The following SRBD1 variants were observed in gnomAD, a reference collection of about 807,000 sequenced individuals.
SRBD1 encodes the protein S1 RNA-binding domain-containing protein 1.
In SRBD1, 88 loss-of-function variants were observed where a neutral mutation model predicts 115.3. The ratio of observed to expected loss-of-function variants is 0.76; its 90% CI spans 0.64 to 0.91. The LOEUF (loss-of-function observed/expected upper bound fraction) is 0.91. SRBD1 is among the 40% of genes least tolerant of loss of function. The probability of loss-of-function intolerance (pLI) is 0.00; values close to 1 mark genes in which losing one functional copy is unlikely to be tolerated. For missense variants in SRBD1, 1,385 were observed against 1,177.4 expected, an observed-to-expected ratio of 1.18 and a Z score of -2.58; for synonymous variants, 509 against 407.7, an observed-to-expected ratio of 1.25 and a Z score of -2.99.
chr2:45,397,372 A>G (rs1321296339), intron 19 of SRBD1, among the ~76,000 whole-genome samples: 2 of 152,182 alleles, frequency 1.3e-5, no homozygotes, highest in African/African-American at 2.4e-5. Flanking sequence ...CTATTTTCAA[A>G]TTTACTGCTC....
intron 9 of SRBD1, among the ~76,000 whole-genome samples, chr2:45,564,775 G>C (rs1243539541): frequency 6.6e-6 from 1 of 152,044 alleles, no homozygotes; most frequent in Non-Finnish European, 1.5e-5. Flanking sequence ...CAACCAAACA[G>C]GGATTGAAAA....
intron 15 of SRBD1, among the ~76,000 whole-genome samples, chr2:45,487,371 C>T (rs1670152851): frequency 6.6e-6 from 1 of 152,122 alleles, no homozygotes; most frequent in Non-Finnish European, 1.5e-5. Context: ...TCTTTACACA[C>T]AAGATTTTGA....
At chr2:45,400,105 C>A (rs1242409658) in intron 19 of SRBD1, among the ~76,000 whole-genome samples, 1 of 152,158 alleles carries the variant, frequency 6.6e-6, no homozygotes, top group Non-Finnish European at 1.5e-5. Flanking sequence ...TGCTTAACAT[C>A]TGCCATTTCA....
At chr2:45,520,668 G>A (rs1442606117) in intron 14 of SRBD1, among the ~76,000 whole-genome samples, 1 of 146,378 alleles carries the variant, frequency 6.8e-6, no homozygotes, top group Non-Finnish European at 1.5e-5. Flanking sequence ...TGGCAGAATG[G>A]CGCAGCAGAG....
Position 45,419,775 on chromosome 2 carries a change from A to C in SRBD1, c.2156+13T>G. 2 of 1,611,324 alleles carry C rather than the reference A, an allele frequency of 1.2e-6. No homozygotes were observed. The highest frequency in any genetic ancestry group is 1.7e-6 in the Non-Finnish European group (2 of 1,177,764). ...TCAAGATTCTGTGATCTTCAGCCAC[A>C]TATTTGTCTCACCTTAACAAAACTT... On this transcript the variant is annotated intron_variant, in intron 17 of 20. Transcript: ENST00000263736.
At chr2:45,464,916 A>T (rs1275644281) in intron 16 of SRBD1, among the ~76,000 whole-genome samples, 1 of 152,160 alleles carries the variant, frequency 6.6e-6, no homozygotes, top group Non-Finnish European at 1.5e-5. Context: ...GGTTTTACCG[A>T]CATCTTTAAA....
intron 1 of SRBD1, among the ~76,000 whole-genome samples, chr2:45,608,025 C>T (rs1674326800): frequency 6.6e-6 from 1 of 152,204 alleles, no homozygotes. Flanking sequence ...CTCCTACCAC[C>T]ACATTCTACA....
rs569792360 is a variant in SRBD1 at position 45,418,511 on chromosome 2, G to C, written c.2187C>G (p.Ala729=). Residue 729 remains alanine (A), a synonymous_variant, in exon 18 of 21, where the codon GCC becomes GCG. Coordinates refer to ENST00000263736, the MANE Select transcript of SRBD1 (RefSeq NM_018079.5). The part of the protein sequence containing the change: ...RHIAGLNANR[A]KNIIEWREKN... ...TCTCTCGCCATTCAATAATATTTTT[G>C]GCCCTGTTGGCATTGAGTCCTGCAA... 1.2e-6 allele frequency: 2 copies of C among 1,613,198 alleles called. No individual in the cohort carries two copies. Among genetic ancestry groups the C allele is most frequent in the East Asian group, 4.5e-5 (2 of 44,840 alleles).
chr2:45,500,877 C>T (rs1420182464), intron 14 of SRBD1, among the ~76,000 whole-genome samples: 2 of 152,076 alleles, frequency 1.3e-5, no homozygotes, highest in South Asian at 2.1e-4. Context: ...AATTTGGATG[C>T]TCTTTATATA....
intron 19 of SRBD1, among the ~76,000 whole-genome samples, chr2:45,406,390 G>GAACTTCTA (rs897789644): frequency 2.6e-5 from 4 of 152,180 alleles, no homozygotes; most frequent in Admixed American, 2.6e-4. Flanking sequence ...ATTTAGAATA[G>GAACTTCTA]AATGGCTTCA....
intron 2 of SRBD1, among the ~76,000 whole-genome samples, chr2:45,604,019 T>G (rs1010118698): frequency 2.6e-5 from 4 of 152,128 alleles, no homozygotes; most frequent in Admixed American, 1.3e-4. Flanking sequence ...CATTCTTTCA[T>G]ACCCCAAATC....
intron 14 of SRBD1, among the ~76,000 whole-genome samples, chr2:45,517,686 A>G (rs757402161): frequency 2.0e-5 from 3 of 152,160 alleles, no homozygotes; most frequent in Non-Finnish European, 4.4e-5. Flanking sequence ...GTAACTTATG[A>G]TAACAATTTA....
chr2:45,513,897 T>A (rs1032977275), intron 14 of SRBD1, among the ~76,000 whole-genome samples: 4 of 152,132 alleles, frequency 2.6e-5, no homozygotes, highest in Admixed American at 2.6e-4. Flanking sequence ...TTTCTGGTAA[T>A]AGCTACCATA....
At chr2:45,575,321 G>C (rs1006123738) in intron 7 of SRBD1, among the ~76,000 whole-genome samples, 2 of 152,178 alleles carry the variant, frequency 1.3e-5, no homozygotes, top group African/African-American at 2.4e-5. Context: ...CTACAGATGA[G>C]CATTAAGTTC....
At chr2:45,392,276 A>C (rs1667026429) in intron 20 of SRBD1, among the ~76,000 whole-genome samples, 2 of 152,340 alleles carry the variant, frequency 1.3e-5, no homozygotes, top group South Asian at 4.1e-4. Flanking sequence ...CTAAACACGG[A>C]ATCATCAAAA....
At chr2:45,550,733 G>A (rs1478155705) in intron 12 of SRBD1, among the ~76,000 whole-genome samples, 2 of 152,144 alleles carry the variant, frequency 1.3e-5, no homozygotes, top group East Asian at 3.8e-4. Context: ...CAGTGTAAAT[G>A]TAAGTAAACA....
intron 4 of SRBD1, 105 bp downstream of exon 4, chr2:45,599,344 G>C (rs1448215789): frequency 2.7e-6 from 4 of 1,456,606 alleles, no homozygotes; most frequent in African/African-American, 1.4e-5. Flanking sequence ...AAACTGAAGA[G>C]AGAATTGAAA....
At chr2:45,578,106 A>G (rs574448296) in intron 7 of SRBD1, among the ~76,000 whole-genome samples, 1 of 152,332 alleles carries the variant, frequency 6.6e-6, no homozygotes, top group East Asian at 1.9e-4. Flanking sequence ...AGAACTCAAG[A>G]GACCTTGGTA....
chr2:45,487,180 G>C (rs1215111441), intron 15 of SRBD1, among the ~76,000 whole-genome samples: 1 of 152,150 alleles, frequency 6.6e-6, no homozygotes, highest in African/African-American at 2.4e-5. Flanking sequence ...TCCAGGTATA[G>C]ATTTCAAGAA....
Sources: gnomAD v4.1 joint callset for allele counts (sites outside exome capture counted in the v4.1 genomes callset) on GRCh38, gnomAD v4.1.1 for gene constraint, MANE v1.5 for transcripts, NCBI Gene and HGNC (gene_info 2026-07-23, HGNC 2026-07-21) for gene names.